Variants in UNC80 observed in about 807,000 individuals in gnomAD.
The protein encoded by UNC80 is protein unc-80 homolog.
A neutral mutation model predicts 384.6 loss-of-function variants in UNC80; 164 were observed. That is an observed-to-expected ratio of 0.43 (90% confidence interval 0.38 to 0.49). The LOEUF (loss-of-function observed/expected upper bound fraction) is 0.49. UNC80 is among the 20% of genes least tolerant of loss of function. The pLI is 0.00. For missense variants in UNC80, 3,330 were observed against 4,143.0 expected (o/e 0.80, Z 5.39); for synonymous variants, 1,486 against 1,527.8 (o/e 0.97, Z 0.64).
At chr2:209,966,183 G>A (rs1000148759) in intron 51 of UNC80, among the ~76,000 whole-genome samples, 1 of 152,070 alleles carries the variant, frequency 6.6e-6, no homozygotes, top group Non-Finnish European at 1.5e-5. Flanking sequence ...TCAAATAATG[G>A]GTGGTAGTAA....
intron 36 of UNC80, among the ~76,000 whole-genome samples, chr2:209,928,547 T>G (rs1384785475): frequency 7.9e-5 from 12 of 152,178 alleles, no homozygotes; most frequent in Non-Finnish European, 1.8e-4. Context: ...TTTTAAAGTT[T>G]TAATTGACAC....
At chr2:209,843,696 C>T (rs1466999428) in intron 21 of UNC80, among the ~76,000 whole-genome samples, 2 of 152,168 alleles carry the variant, frequency 1.3e-5, no homozygotes, top group Non-Finnish European at 2.9e-5. Context: ...CCTGTTCTCA[C>T]CCAAGTTGTT....
chr2:209,944,082 T>A (rs1291230667), intron 45 of UNC80, among the ~76,000 whole-genome samples: 1 of 152,186 alleles, frequency 6.6e-6, no homozygotes, highest in South Asian at 2.1e-4. Context: ...TCTCTTTCTT[T>A]AACCAATGAG....
chr2:209,971,619 C>A (rs2092889898), intron 54 of UNC80, among the ~76,000 whole-genome samples: 1 of 152,170 alleles, frequency 6.6e-6, no homozygotes, highest in Non-Finnish European at 1.5e-5. Context: ...CGTTTGACAA[C>A]CAAGCTTGAT....
chr2:209,995,549 C>G lies in UNC80; in HGVS notation c.9929C>G (p.Thr3310Ser). Residue 3310 changes from threonine to serine, a missense_variant, in exon 65 of 65, where the codon ACT becomes AGT. Transcript: ENST00000673920. ...LLSSQFTFTP[T>S]ELGKTDAVLD... ...TCTAGTCAGTTCACCTTTACTCCCA[C>G]TGAGCTGGGGAAAACGGATGCAGTA... 6.4e-7 allele frequency: 1 copy of G among 1,552,088 alleles called. No individual in the cohort carries two copies. The highest frequency in any genetic ancestry group is 8.7e-7 in the Non-Finnish European group (1 of 1,147,088).
At chr2:209,782,189 A>G (rs963184201) in intron 4 of UNC80, among the ~76,000 whole-genome samples, 1 of 152,160 alleles carries the variant, frequency 6.6e-6, no homozygotes, top group Non-Finnish European at 1.5e-5. Context: ...TCACCAACAT[A>G]CTTAAAATAA....
chr2:209,921,940 A>G (rs2090067608), intron 34 of UNC80, among the ~76,000 whole-genome samples: 1 of 152,184 alleles, frequency 6.6e-6, no homozygotes, highest in Admixed American at 6.5e-5. Flanking sequence ...TATTAAAGTA[A>G]ATGCAACCAA....
chr2:209,969,551 TCAATAGA>T, intron 52 of UNC80: 1 of 549,150 alleles, frequency 1.8e-6, no homozygotes, highest in African/African-American at 1.9e-5. Flanking sequence ...TGTTTTTTCT[TCAATAGA>T]TTTAGTCGAG....
intron 42 of UNC80, among the ~76,000 whole-genome samples, chr2:209,938,706 CTCTCTGTG>C (rs1164313578): frequency 6.4e-5 from 9 of 140,898 alleles, no homozygotes; most frequent in Admixed American, 1.4e-4. Flanking sequence ...CTCTCTCTCT[CTCTCTGTG>C]TGTGTGTGTG....
At chr2:209,842,287 C>G in intron 20 of UNC80, 63 bp from the exon 21 acceptor site, 1 of 1,254,932 alleles carries the variant, frequency 8.0e-7, no homozygotes, top group East Asian at 2.5e-5. Flanking sequence ...AAGAGTTGAT[C>G]TAACCACAAA....
intron 49 of UNC80, among the ~76,000 whole-genome samples, chr2:209,958,239 A>G (rs2124999853): frequency 6.6e-6 from 1 of 152,264 alleles, no homozygotes; most frequent in Non-Finnish European, 1.5e-5. Flanking sequence ...TACTGGCTAT[A>G]CTAGTTAATA....
At chr2:209,807,036 A>G (rs1292107855) in intron 7 of UNC80, among the ~76,000 whole-genome samples, 2 of 152,314 alleles carry the variant, frequency 1.3e-5, no homozygotes, top group East Asian at 3.9e-4. Context: ...CAGTTTTGAA[A>G]TTCTTTTCTG....
Position 209,992,258 on chromosome 2 carries a change from C to T in UNC80, c.9396+11C>T. Reference sequence around the variant, plus strand: ...AGGGGCCTGAGGCAGGTAAGTAGACCCTTAAAGCGCAAGAGAACCATCCTA... The same window carrying T: ...AGGGGCCTGAGGCAGGTAAGTAGACTCTTAAAGCGCAAGAGAACCATCCTA... On this transcript the variant is annotated intron_variant, in intron 62 of 64. Coordinates refer to ENST00000673920, the MANE Select transcript of UNC80 (RefSeq NM_001371986.1). The T allele has an allele frequency of 6.5e-7, 1 of 1,550,154 alleles. No homozygotes were observed. Among genetic ancestry groups the T allele is most frequent in the African/African-American group, 1.4e-5 (1 of 73,044 alleles).
At chr2:209,810,292 A>G (rs578024762) in intron 7 of UNC80, among the ~76,000 whole-genome samples, 94 of 152,336 alleles carry the variant, frequency 6.2e-4, no homozygotes, top group Non-Finnish European at 1.2e-3. Flanking sequence ...CCCAACAGGT[A>G]GGCCTGGGAG....
In UNC80 at chr2:209,836,578, A is replaced by G. The variant is rs1016699303; in HGVS notation, c.3041+1568A>G. On this transcript the variant is annotated intron_variant, in intron 18 of 64. Transcript: ENST00000673920. Reference sequence around the variant, plus strand: ...CTTCTTATGTGAAGATACATGTTTCAATATGCCTCTACATAAATATTTCCA... The same window carrying G: ...CTTCTTATGTGAAGATACATGTTTCGATATGCCTCTACATAAATATTTCCA... 3.3e-5 allele frequency among the ~76,000 whole-genome samples: 5 copies of G among 152,228 alleles called. No individual in the cohort carries two copies. The East Asian group carries it at 9.6e-4, about 29-fold the overall frequency.
chr2:209,831,184 C>T (rs1446256600), intron 15 of UNC80, among the ~76,000 whole-genome samples: 1 of 151,624 alleles, frequency 6.6e-6, no homozygotes, highest in African/African-American at 2.4e-5. Flanking sequence ...AGTTGGTTTC[C>T]TTTCCTTTGC....
intron 23 of UNC80, among the ~76,000 whole-genome samples, chr2:209,873,979 G>A (rs12694192): frequency 7.3e-4 from 75 of 102,546 alleles, no homozygotes; most frequent in African/African-American, 4.1e-3. Flanking sequence ...ACGTATGTAT[G>A]TGTGTGTGTG....
rs1393171537 is a variant in UNC80 at position 209,956,101 on chromosome 2, A to G, written c.7458-1543A>G. On this transcript the variant is annotated intron_variant, in intron 48 of 64. Coordinates refer to ENST00000673920, the MANE Select transcript of UNC80 (RefSeq NM_001371986.1). ...TTCCTCATTTCTATACCTTTTTATA[A>G]GGATAAGTCAATTAACTTATCCAAA... is the stretch of plus-strand genomic sequence containing the variant. Among the ~76,000 whole-genome samples the G allele has an allele frequency of 5.9e-5, 9 of 152,126 alleles. No individual in the cohort carries two copies. In the East Asian group the frequency reaches 1.7e-3, roughly 29 times the overall value.
chr2:209,957,612 T>C, intron 48 of UNC80, 32 bp from the exon 49 acceptor site: 1 of 1,499,118 alleles, frequency 6.7e-7, no homozygotes, highest in Non-Finnish European at 9.1e-7. Flanking sequence ...GTTGTTGTTG[T>C]TTTGCTGTGG....
Sources: allele counts gnomAD v4.1 joint callset (sites outside exome capture counted in the v4.1 genomes callset), GRCh38; gene constraint gnomAD v4.1.1; transcripts MANE v1.5; gene names NCBI Gene and HGNC (gene_info 2026-07-23, HGNC 2026-07-21).